OXNAD1: variants seen among roughly 807,000 people sequenced by gnomAD.
The protein encoded by OXNAD1 is oxidoreductase NAD-binding domain-containing protein 1.
Under a neutral mutation model 32.9 loss-of-function variants are expected in OXNAD1, and 34 were observed. The observed-to-expected ratio is 1.03, with a 90% CI of 0.79 to 1.38. OXNAD1 has a LOEUF of 1.38. Among genes scored for constraint, OXNAD1 ranks in the 40% most tolerant of loss-of-function variants. The pLI, the probability that OXNAD1 is intolerant of heterozygous loss-of-function variation, is 0.00. For missense variants in OXNAD1, 407 were observed against 379.4 expected (o/e 1.07, Z -0.60); for synonymous variants, 134 against 135.2 (o/e 0.99, Z 0.06).
chr3:16,316,745 G>C lies in OXNAD1; in HGVS notation c.*30+13153G>C. 13 of 1,554,602 alleles carry C rather than the reference G, an allele frequency of 8.4e-6. No individual in the cohort carries two copies. The highest frequency in any genetic ancestry group is 1.1e-5 in the Non-Finnish European group (12 of 1,130,068). ...AAAGGGTAGGTAACACACAACACCA[G>C]GGAAACCAGCCCCCAAACCAGCTGT... is the stretch of plus-strand genomic sequence containing the variant. On this transcript the variant is annotated intron_variant, in intron 9 of 9. Coordinates refer to the OXNAD1 transcript ENST00000435829. This position sits in a 1 kb window ranked among gnomAD's most constrained non-coding sequence, Gnocchi z 4.5.
At position 16,329,483 on chromosome 3, in the gene OXNAD1, C is replaced by T. The variant is rs1170364560; in HGVS notation, c.*31-7629C>T. Among the ~76,000 whole-genome samples the T allele has an allele frequency of 6.6e-6, 1 of 152,168 alleles. No homozygotes were observed. Among genetic ancestry groups the T allele is most frequent in the African/African-American group, 2.4e-5 (1 of 41,442 alleles). On this transcript the variant is annotated intron_variant, in intron 9 of 9. Transcript: ENST00000435829. This position sits in a 1 kb window ranked among gnomAD's most constrained non-coding sequence, Gnocchi z 4.5. The stretch of plus-strand genomic sequence containing the variant: ...GCCATTCTGGTCCCTTCCCTGAAGC[C>T]TCTATCAGGCCAGAGATGGCCCAGC...
At chr3:16,295,338 A>G (rs139962961) in intron 6 of OXNAD1, among the ~76,000 whole-genome samples, 1,655 of 152,302 alleles carry the variant, frequency 0.011, 32 homozygotes, top group African/African-American at 0.038. Flanking sequence ...ACCATCCTAA[A>G]TAAAGGGAAT....
rs763738224 is a variant in OXNAD1, at chr3:16,316,739, A to C, written c.*30+13147A>C. On this transcript the variant is annotated intron_variant, in intron 9 of 9. Transcript: ENST00000435829. The surrounding 1 kb of genome is among the most constrained non-coding windows in gnomAD (Gnocchi z 4.5). The stretch of plus-strand genomic sequence containing the variant: ...CAAGCCAAAGGGTAGGTAACACACA[A>C]CACCAGGGAAACCAGCCCCCAAACC... 9.2e-6 allele frequency: 14 copies of C among 1,520,222 alleles called. No individual in the cohort carries two copies. Among genetic ancestry groups the C allele is most frequent in the Admixed American group, 1.7e-5 (1 of 58,302 alleles). 94.2% of individuals were successfully genotyped at this position (1,520,222 alleles called of 1,614,324 possible).
chr3:16,292,356 C>A lies in OXNAD1; in HGVS notation c.291-2500C>A, dbSNP rs1011597307. ...CAGGTGCATCTGCCACCATGCCCAG[C>A]TAATTTTTTTATTTTTAGTAGATAC... On this transcript the variant is annotated intron_variant, in intron 5 of 8. Transcript: ENST00000285083. 2.0e-5 allele frequency among the ~76,000 whole-genome samples: 3 copies of A among 151,924 alleles called. No individual in the cohort carries two copies. In the South Asian group the frequency reaches 6.2e-4, roughly 32 times the overall value.
intron 4 of OXNAD1, among the ~76,000 whole-genome samples, chr3:16,274,391 A>G (rs923979180): frequency 1.3e-5 from 2 of 152,204 alleles, no homozygotes; most frequent in Non-Finnish European, 2.9e-5. Flanking sequence ...GCTAAGGGGC[A>G]GTTCCTTAGT....
intron 4 of OXNAD1, among the ~76,000 whole-genome samples, chr3:16,278,167 TG>T (rs1211536990): frequency 6.6e-6 from 1 of 152,226 alleles, no homozygotes; most frequent in Non-Finnish European, 1.5e-5. Flanking sequence ...GGCCAGATCC[TG>T]GGGTTACAGC....
rs759797034 is a variant in OXNAD1 at position 16,316,403 on chromosome 3, G to A, written c.*30+12811G>A. 36 of 212,104 alleles carry A rather than the reference G, an allele frequency of 1.7e-4. No homozygotes were observed. The highest frequency in any genetic ancestry group is 2.9e-4 in the Non-Finnish European group (31 of 107,472). The allele number at this position is 212,104 out of a possible 1,614,324, so 13.1% of individuals were successfully genotyped here. On this transcript the variant is annotated intron_variant, in intron 9 of 9. Transcript: ENST00000435829. The surrounding 1 kb of genome is among the most constrained non-coding windows in gnomAD (Gnocchi z 4.5). The stretch of plus-strand genomic sequence containing the variant: ...GTTAAGTCACCAAGTAGCTGCAGGG[G>A]ATGGACACTGCCCCACACGATGTGG...
chr3:16,301,744 T>C lies in OXNAD1; in HGVS notation c.551T>C (p.Leu184Pro). The C allele has an allele frequency of 6.2e-7, 1 of 1,614,066 alleles. No homozygotes were observed. Among genetic ancestry groups the C allele is most frequent in the Non-Finnish European group, 8.5e-7 (1 of 1,179,992 alleles). Residue 184 changes from leucine to proline, a missense_variant, in exon 7 of 9, where the codon CTG becomes CCG. Coordinates refer to ENST00000285083, the MANE Select transcript of OXNAD1 (RefSeq NM_138381.5). This position sits in a 1 kb window ranked among gnomAD's most constrained non-coding sequence, Gnocchi z 4.1. ...GCAGGAGGAGTCGGAATTAACCCTC[T>C]GCTTTCCATCCTGCGGCACGCAGCA... ...LIAGGVGINP[L>P]LSILRHAADL...
chr3:16,275,438 T>G (rs1559728577), intron 4 of OXNAD1, among the ~76,000 whole-genome samples: 1 of 152,158 alleles, frequency 6.6e-6, no homozygotes, highest in Admixed American at 6.5e-5. Context: ...CATGGCGGTG[T>G]GCTTGTAGTC....
chr3:16,293,627 T>C (rs926619309), intron 5 of OXNAD1, among the ~76,000 whole-genome samples: 2 of 152,158 alleles, frequency 1.3e-5, no homozygotes, highest in Non-Finnish European at 2.9e-5. Flanking sequence ...AGTAGGATGT[T>C]AGTTGTTCTG....
rs538089541 is a variant in OXNAD1, at chr3:16,304,244, T to C, written c.*682T>C. On this transcript the variant is annotated 3_prime_UTR_variant, in exon 9 of 9. Coordinates refer to ENST00000285083, the MANE Select transcript of OXNAD1 (RefSeq NM_138381.5). The surrounding 1 kb of genome is among the most constrained non-coding windows in gnomAD (Gnocchi z 4.6). ...GTCTTGGCTGTCTGCCTTAACGCTG[T>C]AGGAGGCAGCTTCTTGCTTGGGACA... 2 of 152,320 alleles carry C rather than the reference T, an allele frequency of 1.3e-5. No homozygotes were observed. Among genetic ancestry groups the C allele is most frequent in the Non-Finnish European group, 1.5e-5 (1 of 68,056 alleles). 9.4% of individuals were successfully genotyped at this position (152,320 alleles called of 1,614,324 possible). A position where few individuals can be genotyped will look rare whatever the true frequency, so the allele number is the denominator to read the frequency against.
chr3:16,338,277 C>T (rs1478995611), downstream of OXNAD1, among the ~76,000 whole-genome samples: 2 of 152,182 alleles, frequency 1.3e-5, no homozygotes, highest in Non-Finnish European at 2.9e-5. The surrounding 1 kb of genome is among the most constrained non-coding windows in gnomAD (Gnocchi z 5.3). Flanking sequence ...GAGAACCAGG[C>T]AAGGCATGCA....
At chr3:16,283,940 C>T (rs959017451) in intron 4 of OXNAD1, among the ~76,000 whole-genome samples, 2 of 152,046 alleles carry the variant, frequency 1.3e-5, no homozygotes, top group African/African-American at 2.4e-5. Context: ...AGACCCCAAC[C>T]GTCAAAGGAG....
At position 16,304,594 on chromosome 3, in the gene OXNAD1, GTTCT is replaced by G. The variant is rs769745396; in HGVS notation, c.*1035_*1038del. The G allele has an allele frequency of 6.6e-6, 1 of 152,228 alleles. No individual in the cohort carries two copies. The highest frequency in any genetic ancestry group is 1.5e-5 in the Non-Finnish European group (1 of 68,030). The allele number at this position is 152,228 out of a possible 1,614,324, so 9.4% of individuals were successfully genotyped here. A position where few individuals can be genotyped will look rare whatever the true frequency, so the allele number is the denominator to read the frequency against. ...TGAAACTGCTAGAAAGCAGATTGTA[GTTCT>G]TTGTTTAGATTTTTAAAAATCCAAA... is the stretch of plus-strand genomic sequence containing the variant. On this transcript the variant is annotated 3_prime_UTR_variant, in exon 9 of 9. Coordinates refer to ENST00000285083, the MANE Select transcript of OXNAD1 (RefSeq NM_138381.5). This position sits in a 1 kb window ranked among gnomAD's most constrained non-coding sequence, Gnocchi z 4.6.
At chr3:16,319,121 G>A (rs368491423) in intron 9 of OXNAD1, among the ~76,000 whole-genome samples, 1 of 152,176 alleles carries the variant, frequency 6.6e-6, no homozygotes, top group Non-Finnish European at 1.5e-5. Context: ...CAGCCCAAAT[G>A]TAAGAGTCTC....
At chr3:16,307,789 AGGG>A (rs1480440623), downstream of OXNAD1, among the ~76,000 whole-genome samples, 9 of 131,016 alleles carry the variant, frequency 6.9e-5, no homozygotes, top group African/African-American at 2.1e-4. Context: ...AAGACAAGAC[AGGG>A]TTCCTCTATA....
At chr3:16,332,213 A>G (rs1231264365) in intron 9 of OXNAD1, among the ~76,000 whole-genome samples, 1 of 150,680 alleles carries the variant, frequency 6.6e-6, no homozygotes, top group Non-Finnish European at 1.5e-5. Flanking sequence ...TCCCTTTTCT[A>G]TCTTCTTTTT....
chr3:16,324,196 T>C (rs2069415275), intron 9 of OXNAD1, among the ~76,000 whole-genome samples: 1 of 152,192 alleles, frequency 6.6e-6, no homozygotes, highest in African/African-American at 2.4e-5. Flanking sequence ...GGGTAGAGTG[T>C]GATGTTTTGA....
At chr3:16,326,946 A>G (rs2069764764) in intron 9 of OXNAD1, 4 of 1,182,062 alleles carry the variant, frequency 3.4e-6, no homozygotes, top group Middle Eastern at 2.7e-4. Flanking sequence ...AGAGGGGACT[A>G]TTCAGTCTGC....
Sources: gnomAD v4.1 joint callset for allele counts (sites outside exome capture counted in the v4.1 genomes callset) on GRCh38, gnomAD v4.1.1 for gene constraint, Gnocchi (gnomAD v3.1) non-coding constraint, MANE v1.5 for transcripts, NCBI Gene and HGNC (gene_info 2026-07-23, HGNC 2026-07-21) for gene names.